The following RP1L1 variants were observed in gnomAD, a reference collection of about 807,000 sequenced individuals.
RP1L1 encodes the protein retinitis pigmentosa 1-like 1 protein.
In RP1L1, 27 loss-of-function variants were observed where a neutral mutation model predicts 15.7. The ratio of observed to expected loss-of-function variants is 1.72; its 90% CI spans 1.27 to 2.38. RP1L1 has a LOEUF of 2.38. Among genes scored for constraint, RP1L1 ranks in the 30% most tolerant of loss-of-function variants. The pLI, the probability that RP1L1 is intolerant of heterozygous loss-of-function variation, is 0.00. For synonymous variants in RP1L1, 1,813 were observed against 1,276.7 expected, an observed-to-expected ratio of 1.42 and a Z score of -8.96; for missense variants, 4,798 against 3,075.9, an observed-to-expected ratio of 1.56 and a Z score of -13.24.
rs764067771 is a variant in RP1L1, at chr8:10,607,122, G to T, written c.6976C>A (p.Pro2326Thr). 1 of 1,614,164 alleles carries T rather than the reference G, an allele frequency of 6.2e-7. No individual in the cohort carries two copies. The highest frequency in any genetic ancestry group is 1.1e-5 in the South Asian group (1 of 91,082). The change falls in exon 4 of 4, where the codon CCT becomes ACT. Residue 2326 changes from proline to threonine, a missense_variant. By Grantham distance (38) the Pro-to-Thr change is conservative. Transcript: ENST00000382483. Reference protein sequence around the residue: ...NDHVLGDTRSPDAKSTGTPHA... With the variant: ...NDHVLGDTRSTDAKSTGTPHA... ...GGGGTCCCCGTGGACTTGGCATCAG[G>T]GCTCCTTGTGTCTCCAAGTACATGG...
At chr8:10,648,684 G>A (rs557886289) in intron 1 of RP1L1, among the ~76,000 whole-genome samples, 41 of 152,292 alleles carry the variant, frequency 2.7e-4, no homozygotes, top group African/African-American at 9.6e-4. Flanking sequence ...CAACCGAAAG[G>A]CAATGAGATC....
chr8:10,609,155 C>T lies in RP1L1; in HGVS notation c.4943G>A (p.Gly1648Asp), dbSNP rs779636806. 5 of 1,612,982 alleles carry T rather than the reference C, an allele frequency of 3.1e-6. No individual in the cohort carries two copies. In the Admixed American group the frequency reaches 5.0e-5, roughly 16 times the overall value. The change falls in exon 4 of 4, where the codon GGC becomes GAC. Residue 1648 changes from glycine to aspartate, a missense_variant. By Grantham distance (94) the Gly-to-Asp change is moderately conservative. Coordinates refer to ENST00000382483, the MANE Select transcript of RP1L1 (RefSeq NM_178857.6). ...ALSTALGSQL[G>D]EEAEGEEFCP... is the part of the protein sequence containing the mutation. ...GAACTCCTCCCCCTCCGCCTCCTCG[C>T]CCAGCTGGCTCCCCAGGGCTGTGCT...
chr8:10,623,955 C>A (rs1303151919), intron 1 of RP1L1, among the ~76,000 whole-genome samples: 1 of 151,670 alleles, frequency 6.6e-6, no homozygotes, highest in Non-Finnish European at 1.5e-5. Flanking sequence ...CTCCACATCC[C>A]TGGCATCACC....
intron 1 of RP1L1, among the ~76,000 whole-genome samples, chr8:10,637,077 G>C (rs998435694): frequency 2.0e-5 from 3 of 152,218 alleles, no homozygotes; most frequent in African/African-American, 7.2e-5. Context: ...GAGAGAGACA[G>C]GCTGAGATTT....
chr8:10,612,552 C>G lies in RP1L1; in HGVS notation c.1546G>C (p.Glu516Gln), dbSNP rs750305316. Residue 516 changes from glutamate (E) to glutamine (Q), a missense_variant, in exon 4 of 4, where the codon GAG becomes CAG. Coordinates refer to ENST00000382483, the MANE Select transcript of RP1L1 (RefSeq NM_178857.6). ...CIDGAGLGGPEQGGRLTPRAR... is the reference protein window; with the variant it reads ...CIDGAGLGGPQQGGRLTPRAR... Reference sequence around the variant, plus strand: ...CTCGGTGTCAGGCGGCCGCCTTGCTCTGGGCCGCCCAGCCCTGCTCCATCT... The same window carrying G: ...CTCGGTGTCAGGCGGCCGCCTTGCTGTGGGCCGCCCAGCCCTGCTCCATCT... 3.7e-6 allele frequency: 6 copies of G among 1,609,158 alleles called. No individual in the cohort carries two copies. In the South Asian group the frequency reaches 6.6e-5, roughly 18 times the overall value.
At chr8:10,630,385 T>A (rs1176767036) in intron 1 of RP1L1, among the ~76,000 whole-genome samples, 1 of 152,242 alleles carries the variant, frequency 6.6e-6, no homozygotes, top group African/African-American at 2.4e-5. Flanking sequence ...TCCAGGACTG[T>A]TCCTACACAC....
At chr8:10,638,691 G>T (rs1253646964) in intron 1 of RP1L1, among the ~76,000 whole-genome samples, 2 of 152,144 alleles carry the variant, frequency 1.3e-5, no homozygotes, top group African/African-American at 4.8e-5. Flanking sequence ...GATTTTTCCT[G>T]CAAAGAAAGA....
At chr8:10,636,970 G>A (rs555103834) in intron 1 of RP1L1, among the ~76,000 whole-genome samples, 17 of 152,312 alleles carry the variant, frequency 1.1e-4, no homozygotes, top group African/African-American at 1.4e-4. Flanking sequence ...TCCCTGCCCT[G>A]AGGCCCTGAC....
chr8:10,612,760 C>T lies in RP1L1; in HGVS notation c.1338G>A (p.Glu446=). ...GGCTGGCACTGTCCTGGCTGCATCT[C>T]TCCCTCCCGGCAGTCCCGTGGCCCC... ...GLWGHGTAGR[E]RCSQDSASPA... The change falls in exon 4 of 4, where the codon GAG becomes GAA. Residue 446 remains glutamate (E), a synonymous_variant. Coordinates refer to ENST00000382483, the MANE Select transcript of RP1L1 (RefSeq NM_178857.6). 1 of 1,608,908 alleles carries T rather than the reference C, an allele frequency of 6.2e-7. No individual in the cohort carries two copies. Among genetic ancestry groups the T allele is most frequent in the Non-Finnish European group, 8.5e-7 (1 of 1,179,908 alleles).
intron 2 of RP1L1, among the ~76,000 whole-genome samples, chr8:10,616,830 A>C (rs144554670): frequency 2.0e-5 from 3 of 152,302 alleles, no homozygotes; most frequent in African/African-American, 7.2e-5. Context: ...ACCAGGCGTG[A>C]GGCCCGTGAT....
At chr8:10,628,478 C>T (rs1442187444) in intron 1 of RP1L1, among the ~76,000 whole-genome samples, 1 of 152,152 alleles carries the variant, frequency 6.6e-6, no homozygotes, top group Non-Finnish European at 1.5e-5. Context: ...GATGCACCCT[C>T]CACCCCCAGC....
rs1477101502 is a variant in RP1L1 at position 10,616,432 on chromosome 8, A to G, written c.751+14T>C. 4 of 1,613,744 alleles carry G rather than the reference A, an allele frequency of 2.5e-6. No individual in the cohort carries two copies. Among genetic ancestry groups the G allele is most frequent in the Non-Finnish European group, 3.4e-6 (4 of 1,179,788 alleles). On this transcript the variant is annotated intron_variant, in intron 3 of 3. Coordinates refer to ENST00000382483, the MANE Select transcript of RP1L1 (RefSeq NM_178857.6). ...AGTGCAAATCAGATGGGGGAAACCC[A>G]AAAACCAACTCACCGTTTTTGTTTC...
chr8:10,624,451 G>A (rs1451813093), intron 1 of RP1L1, among the ~76,000 whole-genome samples: 1 of 152,224 alleles, frequency 6.6e-6, no homozygotes, highest in Non-Finnish European at 1.5e-5. Flanking sequence ...GGCATTGCAG[G>A]TCAAGGAAGT....
intron 1 of RP1L1, among the ~76,000 whole-genome samples, chr8:10,653,230 G>C (rs899170594): frequency 6.6e-6 from 1 of 152,186 alleles, no homozygotes; most frequent in Admixed American, 6.5e-5. Flanking sequence ...ACAGGGAAAG[G>C]TTACAGGGAC....
chr8:10,609,540 A>G lies in RP1L1; in HGVS notation c.4558T>C (p.Ser1520Pro), dbSNP rs769504805. The G allele has an allele frequency of 1.6e-5, 25 of 1,606,356 alleles. No homozygotes were observed. The highest frequency in any genetic ancestry group is 2.1e-5 in the Non-Finnish European group (25 of 1,177,538). ...AALDCDPIWV[S>P]VLLKKTEKAF... ...TTCTCCGTCTTCTTCAGTAACACGG[A>G]CACCCAGATGGGGTCGCAGTCCAGA... Residue 1520 changes from serine to proline, a missense_variant, in exon 4 of 4, where the codon TCC (serine) becomes CCC (proline). Coordinates refer to ENST00000382483, the MANE Select transcript of RP1L1 (RefSeq NM_178857.6).
chr8:10,649,056 T>A (rs1336799554), intron 1 of RP1L1, among the ~76,000 whole-genome samples: 1 of 152,186 alleles, frequency 6.6e-6, no homozygotes, highest in East Asian at 1.9e-4. Flanking sequence ...TGAGCCCAGA[T>A]GGGAGACTTC....
In RP1L1 at chr8:10,612,603, G is replaced by A; in HGVS notation, c.1495C>T (p.Leu499=). 1.2e-6 allele frequency: 2 copies of A among 1,602,572 alleles called. No individual in the cohort carries two copies. Among genetic ancestry groups the A allele is most frequent in the African/African-American group, 1.3e-5 (1 of 74,674 alleles). Residue 499 remains leucine (L), a synonymous_variant, in exon 4 of 4, where the codon CTG becomes TTG. Transcript: ENST00000382483. ...ATGCATAGGCCGGGGTCCTCACCCA[G>A]GCTCCCTCCAGCTTTCCGCTCAGCC... The part of the protein sequence containing the change: ...IGAERKAGGS[L]GEDPGLCIDG...
chr8:10,629,966 G>A (rs1046077557), intron 1 of RP1L1, among the ~76,000 whole-genome samples: 1 of 152,184 alleles, frequency 6.6e-6, no homozygotes, highest in Non-Finnish European at 1.5e-5. Context: ...GGTGGCTCAG[G>A]GAGTCAAAGG....
Position 10,612,792 on chromosome 8 carries a change from C to G in RP1L1, c.1306G>C (p.Gly436Arg). 6.2e-7 allele frequency: 1 copy of G among 1,611,030 alleles called. No individual in the cohort carries two copies. Among genetic ancestry groups the G allele is most frequent in the Non-Finnish European group, 8.5e-7 (1 of 1,179,934 alleles). ...CCGGCAGTCCCGTGGCCCCACAGGC[C>G]ACTGCAGCGGACGTGCTGGGCCAGT... ...WGLAQHVRCS[G>R]LWGHGTAGRE... Residue 436 changes from glycine to arginine, a missense_variant, in exon 4 of 4, where the codon GGC (glycine) becomes CGC (arginine). Transcript: ENST00000382483.
Sources: gnomAD v4.1 joint callset for allele counts (sites outside exome capture counted in the v4.1 genomes callset) on GRCh38, gnomAD v4.1.1 for gene constraint, MANE v1.5 for transcripts, NCBI Gene and HGNC (gene_info 2026-07-23, HGNC 2026-07-21) for gene names.